The following RTL4 variants were observed in gnomAD, a reference collection of about 807,000 sequenced individuals.
The protein encoded by RTL4 is retrotransposon Gag like 4.
In RTL4, 4 loss-of-function variants were observed where a neutral mutation model predicts 5.3. The observed-to-expected ratio is 0.75, with a 90% CI of 0.37 to 1.72. The LOEUF (loss-of-function observed/expected upper bound fraction) is 1.72, where lower values mean the gene tolerates loss of function less well. RTL4 is among the 40% of genes most tolerant of loss of function. RTL4 has a pLI of 0.04. For missense variants in RTL4, 260 were observed against 227.1 expected (o/e 1.14, Z -0.93); for synonymous variants, 98 against 87.3 (o/e 1.12, Z -0.68).
chrX:112,353,247 C>T, the RTL4 span, among the ~76,000 whole-genome samples: 5 of 111,368 alleles, frequency 4.5e-5, no homozygotes, highest in Admixed American at 2.9e-4. Flanking sequence ...ATTGTAAACT[C>T]GTTCAACCAT....
the RTL4 span, among the ~76,000 whole-genome samples, chrX:112,400,676 A>G: frequency 6.1e-4 from 68 of 111,939 alleles, no homozygotes; most frequent in African/African-American, 2.1e-3. Context: ...TTGTTCTTGG[A>G]CATGTACTTT....
chrX:112,121,599 A>C, the RTL4 span, among the ~76,000 whole-genome samples: 1 of 111,959 alleles, frequency 8.9e-6, no homozygotes, highest in African/African-American at 3.2e-5. Context: ...TTAGTATGTA[A>C]CCATGATAAC....
At chrX:112,126,459 C>T in the RTL4 span, among the ~76,000 whole-genome samples, 2 of 111,565 alleles carry the variant, frequency 1.8e-5, no homozygotes, top group African/African-American at 3.3e-5. Context: ...TGTAAAAACC[C>T]GCATTATAAA....
chrX:112,091,865 T>C, the RTL4 span, among the ~76,000 whole-genome samples: 1 of 111,310 alleles, frequency 9.0e-6, no homozygotes, highest in Non-Finnish European at 1.9e-5. Context: ...ACTGCATATT[T>C]CTCCCTTTAA....
chrX:112,388,953 T>C, the RTL4 span, among the ~76,000 whole-genome samples: 10 of 111,811 alleles, frequency 8.9e-5, no homozygotes, highest in African/African-American at 2.6e-4. Flanking sequence ...GAGTCCTTTC[T>C]CCTCAATTTT....
chrX:112,262,403 C>A, the RTL4 span, among the ~76,000 whole-genome samples: 1 of 112,123 alleles, frequency 8.9e-6, no homozygotes, highest in Admixed American at 9.4e-5. Context: ...AGACACTTCT[C>A]AAAAGAAGAC....
At chrX:112,259,004 T>G in the RTL4 span, among the ~76,000 whole-genome samples, 10 of 111,357 alleles carry the variant, frequency 9.0e-5, no homozygotes, top group Admixed American at 9.6e-4. Flanking sequence ...CTGGATACTC[T>G]GTTGAGTTCC....
the RTL4 span, among the ~76,000 whole-genome samples, chrX:112,334,911 ATGTT>A: frequency 8.9e-6 from 1 of 111,786 alleles, no homozygotes; most frequent in Non-Finnish European, 1.9e-5. Context: ...ATTCATAACA[ATGTT>A]GGTTGGATTA....
the RTL4 span, among the ~76,000 whole-genome samples, chrX:112,214,772 T>C: frequency 1.8e-5 from 2 of 111,371 alleles, no homozygotes; most frequent in Non-Finnish European, 3.8e-5. Context: ...TGATGATTAG[T>C]GTTTTTTTTG....
the RTL4 span, among the ~76,000 whole-genome samples, chrX:112,380,453 G>A: frequency 6.3e-5 from 7 of 111,778 alleles, no homozygotes; most frequent in Non-Finnish European, 1.1e-4. Flanking sequence ...CACCTGGCCC[G>A]GGATCAATTT....
the RTL4 span, among the ~76,000 whole-genome samples, chrX:112,358,833 A>C: frequency 1.8e-5 from 2 of 112,093 alleles, no homozygotes; most frequent in East Asian, 2.8e-4. Flanking sequence ...TTGAGTGTTC[A>C]TCCTTAAATT....
At chrX:112,320,098 G>A in the RTL4 span, 1 of 111,841 alleles carries the variant, frequency 8.9e-6, no homozygotes, top group Non-Finnish European at 1.9e-5. Context: ...GAGTTGCAGT[G>A]ACAGTATCAA....
chrX:112,277,817 C>T, the RTL4 span, among the ~76,000 whole-genome samples: 1 of 111,943 alleles, frequency 8.9e-6, no homozygotes, highest in African/African-American at 3.2e-5. Flanking sequence ...CAGCTGACAG[C>T]TTGAATATCA....
the RTL4 span, among the ~76,000 whole-genome samples, chrX:112,189,423 C>T: frequency 3.6e-5 from 4 of 111,865 alleles, no homozygotes; most frequent in Admixed American, 9.5e-5. Flanking sequence ...TAATAACATA[C>T]ATATTGTTGC....
the RTL4 span, among the ~76,000 whole-genome samples, chrX:112,280,102 C>T: frequency 0.029 from 3,231 of 111,533 alleles, 102 homozygotes; most frequent in African/African-American, 0.1. Flanking sequence ...TCAATAGATA[C>T]TGTCTAAAAC....
chrX:112,349,129 A>T, the RTL4 span, among the ~76,000 whole-genome samples: 1 of 110,735 alleles, frequency 9.0e-6, no homozygotes, highest in Non-Finnish European at 1.9e-5. Context: ...TAAATACTAC[A>T]CTATTTAAAA....
the RTL4 span, among the ~76,000 whole-genome samples, chrX:112,386,314 C>A: frequency 9.0e-6 from 1 of 111,370 alleles, no homozygotes. Flanking sequence ...CCAAAGTCAC[C>A]CTTTTGTGCT....
the RTL4 span, among the ~76,000 whole-genome samples, chrX:112,131,912 C>A: frequency 3.6e-5 from 4 of 111,578 alleles, no homozygotes; most frequent in South Asian, 1.1e-3. Context: ...TCCTGTTTAC[C>A]AGCTATTTTG....
At chrX:112,301,185 A>G in the RTL4 span, among the ~76,000 whole-genome samples, 3 of 111,967 alleles carry the variant, frequency 2.7e-5, no homozygotes, top group African/African-American at 9.8e-5. Flanking sequence ...TTTGTCAGCT[A>G]GTTACCAAAG....
Sources: allele counts gnomAD v4.1 joint callset (sites outside exome capture counted in the v4.1 genomes callset), GRCh38; gene constraint gnomAD v4.1.1; transcripts MANE v1.5; gene names NCBI Gene and HGNC (gene_info 2026-07-23, HGNC 2026-07-21).